The following PIP5K1C variants were observed in gnomAD, a reference collection of about 807,000 sequenced individuals.
PIP5K1C encodes the protein phosphatidylinositol 4-phosphate 5-kinase type-1 gamma.
Under a neutral mutation model 80.1 loss-of-function variants are expected in PIP5K1C, and 45 were observed. The observed-to-expected ratio is 0.56, with a 90% CI of 0.44 to 0.72. The LOEUF is 0.72. Ranked by LOEUF, PIP5K1C falls within the 30% of genes least tolerant of loss-of-function variation. PIP5K1C has a pLI of 0.00. For missense variants in PIP5K1C, 753 were observed against 954.6 expected, an observed-to-expected ratio of 0.79 and a Z score of 2.78; for synonymous variants, 498 against 420.1, an observed-to-expected ratio of 1.19 and a Z score of -2.27.
At position 3,700,432 on chromosome 19, in the gene PIP5K1C, G is replaced by A; in HGVS notation, c.-42C>T. The stretch of plus-strand genomic sequence containing the variant: ...CGGCGGGGGCGCCCGAGGGGGACCC[G>A]AGCTGCGACCGCCGCCGCCGAACAA... On this transcript the variant is annotated 5_prime_UTR_variant, in exon 1 of 18. Transcript: ENST00000335312. 2 of 1,015,038 alleles carry A rather than the reference G, an allele frequency of 2.0e-6. No homozygotes were observed. Among genetic ancestry groups the A allele is most frequent in the Non-Finnish European group, 2.4e-6 (2 of 841,810 alleles). 62.9% of individuals were successfully genotyped at this position (1,015,038 alleles called of 1,614,324 possible). A position where few individuals can be genotyped will look rare whatever the true frequency, so the allele number is the denominator to read the frequency against.
rs1600030001 is a variant in PIP5K1C at position 3,667,438 on chromosome 19, G to A, written c.95-85C>T. 10 of 1,501,466 alleles carry A rather than the reference G, an allele frequency of 6.7e-6. No homozygotes were observed. In the East Asian group the frequency reaches 9.0e-5, roughly 14 times the overall value. The allele number at this position is 1,501,466 out of a possible 1,614,324, so 93.0% of individuals were successfully genotyped here. On this transcript the variant is annotated intron_variant, in intron 1 of 17. Coordinates refer to ENST00000335312, the MANE Select transcript of PIP5K1C (RefSeq NM_012398.3). ...CCCAGCCCCCGGCCCACCTTCTGGCGCCCCAGGCCTGGCGTGTGTAACTCC... is the reference window on the plus strand; with the variant it reads ...CCCAGCCCCCGGCCCACCTTCTGGCACCCCAGGCCTGGCGTGTGTAACTCC...
chr19:3,668,777 A>AT (rs1555725272), intron 1 of PIP5K1C, among the ~76,000 whole-genome samples: 5 of 152,014 alleles, frequency 3.3e-5, no homozygotes, highest in African/African-American at 1.2e-4. Flanking sequence ...CGGATCAGCA[A>AT]GGGGGGGCTT....
intron 1 of PIP5K1C, among the ~76,000 whole-genome samples, chr19:3,671,008 G>C (rs1360989952): frequency 6.6e-6 from 1 of 152,250 alleles, no homozygotes; most frequent in Non-Finnish European, 1.5e-5. Flanking sequence ...TGTTTGGGTT[G>C]GCGGCCCGGG....
rs997718786 is a variant in PIP5K1C, at chr19:3,642,925, G to A, written c.1664C>T (p.Ser555Leu). Reference sequence around the variant, plus strand: ...GTCTCACCTGCCATCCTGTCCAGACGACTGTGTGCGCCGCCTGCAGAGATA... The same window carrying A: ...GTCTCACCTGCCATCCTGTCCAGACAACTGTGTGCGCCGCCTGCAGAGATA... ...EQPRYRRRTQ[S>L]SGQDGRPQEE... The change falls in exon 14 of 18, where the codon TCG becomes TTG. Residue 555 changes from serine to leucine, a missense_variant. By Grantham distance (145) the Ser-to-Leu change is moderately radical. Around this residue, in one of 6 missense-constraint regions of PIP5K1C, gnomAD observed 315 missense variants for 294.5 expected, o/e 1.07. Coordinates refer to ENST00000335312, the MANE Select transcript of PIP5K1C (RefSeq NM_012398.3). The A allele has an allele frequency of 6.2e-7, 1 of 1,613,508 alleles. No individual in the cohort carries two copies.
At position 3,692,999 on chromosome 19, in the gene PIP5K1C, C is replaced by T. The variant is rs141816710; in HGVS notation, c.94+7298G>A. Among the ~76,000 whole-genome samples the T allele has an allele frequency of 4.3e-3, 651 of 152,110 alleles. 3 individuals are homozygous for T. Among genetic ancestry groups the T allele is most frequent in the Non-Finnish European group, 6.5e-3 (441 of 67,972 alleles). On this transcript the variant is annotated intron_variant, in intron 1 of 17. Transcript: ENST00000335312. This position sits in a 1 kb window ranked among gnomAD's most constrained non-coding sequence, Gnocchi z 5.2. ...TCCCCAGCCTTGAGGGCACCTCCGC[C>T]GCCACTCTCTCCCCTCCTCTGCTCG...
rs1568315570 is a variant in PIP5K1C, at chr19:3,643,336, GCTT to G, written c.1553_1555del (p.Glu518del). 2 of 1,613,938 alleles carry G rather than the reference GCTT, an allele frequency of 1.2e-6. No individual in the cohort carries two copies. Among genetic ancestry groups the G allele is most frequent in the Admixed American group, 3.3e-5 (2 of 60,028 alleles). On this transcript the variant is annotated inframe_deletion, in exon 13 of 18. Coordinates refer to ENST00000335312, the MANE Select transcript of PIP5K1C (RefSeq NM_012398.3). The stretch of plus-strand genomic sequence containing the variant: ...AGTCGTGGCAATGGAGGCTGTAGTG[GCTT>G]CTTCGAAAGAAGGTGGCGTGCAGGG...
intron 7 of PIP5K1C, among the ~76,000 whole-genome samples, chr19:3,652,288 A>G (rs1471205787): frequency 1.3e-5 from 2 of 152,250 alleles, no homozygotes; most frequent in African/African-American, 2.4e-5. Context: ...GCACTGAGAC[A>G]GGGACTTCCC....
intron 1 of PIP5K1C, among the ~76,000 whole-genome samples, chr19:3,670,127 C>T: frequency 6.6e-6 from 1 of 151,350 alleles, no homozygotes; most frequent in South Asian, 2.1e-4. Context: ...GGGTCAGGAG[C>T]CTCTGCAGGC....
At chr19:3,662,139 C>G in intron 3 of PIP5K1C, 138 bp from the exon 4 acceptor site, 2 of 1,080,100 alleles carry the variant, frequency 1.9e-6, no homozygotes, top group Non-Finnish European at 2.7e-6. Context: ...TGGTGGTCCC[C>G]GGGGCTGCCT....
At chr19:3,657,211 G>C (rs1332622966) in intron 5 of PIP5K1C, among the ~76,000 whole-genome samples, 1 of 152,066 alleles carries the variant, frequency 6.6e-6, no homozygotes, top group Non-Finnish European at 1.5e-5. Flanking sequence ...GTTTCATGAT[G>C]TGCTCGCTGT....
chr19:3,674,115 G>T (rs1465499889), intron 1 of PIP5K1C: 1 of 152,232 alleles, frequency 6.6e-6, no homozygotes, highest in Non-Finnish European at 1.5e-5. Context: ...AAGACCGGGC[G>T]GCCCCAGCTG....
intron 1 of PIP5K1C, among the ~76,000 whole-genome samples, chr19:3,686,317 G>A (rs1190747549): frequency 4.6e-5 from 7 of 151,958 alleles, no homozygotes; most frequent in Non-Finnish European, 1.0e-4. Flanking sequence ...CTACTCAGGA[G>A]GCTGAGGCAG....
rs1011262281 is a variant in PIP5K1C at position 3,648,858 on chromosome 19, C to CCT, written c.1128-152_1128-151dup. The CCT allele has an allele frequency of 4.5e-6, 3 of 668,462 alleles. No individual in the cohort carries two copies. Among genetic ancestry groups the CCT allele is most frequent in the Non-Finnish European group, 8.1e-6 (3 of 371,924 alleles). 41.4% of individuals were successfully genotyped at this position (668,462 alleles called of 1,614,324 possible). On this transcript the variant is annotated intron_variant, in intron 8 of 17. Transcript: ENST00000335312. The surrounding 1 kb of genome is among the most constrained non-coding windows in gnomAD (Gnocchi z 4.3). ...CGGAGTGGGGCCTGGCACCCGGGAA[C>CCT]CTCTGTCCTGACATCCCTCCATCAC... is the stretch of plus-strand genomic sequence containing the variant.
rs72980698 is a variant in PIP5K1C, at chr19:3,664,109, C to T, written c.219+713G>A. Among the ~76,000 whole-genome samples the T allele has an allele frequency of 4.0e-3, 609 of 152,318 alleles. 2 individuals are homozygous for T. Among genetic ancestry groups the T allele is most frequent in the Non-Finnish European group, 6.7e-3 (455 of 68,034 alleles). On this transcript the variant is annotated intron_variant, in intron 3 of 17. Transcript: ENST00000335312. Reference sequence around the variant, plus strand: ...TGAGGACGCTACACTCAGTGAGAGACGCCAGACACAGAAAGCCACACAGTG... The same window carrying T: ...TGAGGACGCTACACTCAGTGAGAGATGCCAGACACAGAAAGCCACACAGTG...
At chr19:3,678,662 A>G (rs2035489237) in intron 1 of PIP5K1C, among the ~76,000 whole-genome samples, 1 of 90,726 alleles carries the variant, frequency 1.1e-5, no homozygotes. Context: ...AGAGATGGCG[A>G]GATGGAGGGA....
chr19:3,662,662 T>G (rs2034872885), intron 3 of PIP5K1C, among the ~76,000 whole-genome samples: 1 of 151,828 alleles, frequency 6.6e-6, no homozygotes, highest in African/African-American at 2.4e-5. Flanking sequence ...ACCTCCCAGG[T>G]TCAAGTGATT....
At chr19:3,655,889 G>A (rs1022397621) in intron 6 of PIP5K1C, among the ~76,000 whole-genome samples, 14 of 152,180 alleles carry the variant, frequency 9.2e-5, no homozygotes, top group African/African-American at 2.4e-4. Flanking sequence ...CCCCCCTCCC[G>A]GGGCCTGACG....
At chr19:3,684,269 C>T (rs976854481) in intron 1 of PIP5K1C, among the ~76,000 whole-genome samples, 2 of 152,134 alleles carry the variant, frequency 1.3e-5, no homozygotes, top group African/African-American at 4.8e-5. Context: ...AGCTCATTGC[C>T]GCCCCCTCAC....
At chr19:3,656,383 C>T (rs762577671) in intron 6 of PIP5K1C, 22 bp downstream of exon 6, 20 of 1,612,152 alleles carry the variant, frequency 1.2e-5, no homozygotes, top group Admixed American at 3.3e-5. Flanking sequence ...GAGCCATCTG[C>T]CCCGCAGGGC....
Sources: allele counts gnomAD v4.1 joint callset (sites outside exome capture counted in the v4.1 genomes callset), GRCh38; gene constraint gnomAD v4.1.1; regional missense constraint gnomAD v4.1.1; non-coding constraint Gnocchi (gnomAD v3.1); transcripts MANE v1.5; gene names NCBI Gene and HGNC (gene_info 2026-07-23, HGNC 2026-07-21).